Variants in GULP1 observed in about 807,000 individuals in gnomAD.
The protein encoded by GULP1 is GULP PTB domain containing engulfment adaptor 1.
GULP1 carries 19 observed loss-of-function variants against 40.9 expected under a neutral mutation model. That is an observed-to-expected ratio of 0.46 (90% CI 0.32 to 0.68). The LOEUF (loss-of-function observed/expected upper bound fraction) is 0.68, where lower values mean the gene tolerates loss of function less well. Among genes scored for constraint, GULP1 ranks in the 30% least tolerant of loss-of-function variants. The pLI is 0.03. For missense variants in GULP1, 312 were observed against 362.2 expected (o/e 0.86, Z 1.12); for synonymous variants, 119 against 117.6 (o/e 1.01, Z -0.08).
chr2:188,570,582 C>G (rs561300548), intron 9 of GULP1, among the ~76,000 whole-genome samples: 1 of 152,182 alleles, frequency 6.6e-6, no homozygotes, highest in African/African-American at 2.4e-5. Context: ...AATTGTATTT[C>G]AAACATTAAA....
intron 2 of GULP1, among the ~76,000 whole-genome samples, chr2:188,444,864 G>T (rs1010591512): frequency 6.6e-6 from 1 of 152,134 alleles, no homozygotes; most frequent in Middle Eastern, 3.2e-3. Flanking sequence ...CTAAACACTG[G>T]CAGTGACATG....
intron 1 of GULP1, among the ~76,000 whole-genome samples, chr2:188,382,506 C>T (rs2049123225): frequency 6.6e-6 from 1 of 152,204 alleles, no homozygotes; most frequent in Non-Finnish European, 1.5e-5. Flanking sequence ...AAACTTCTCG[C>T]ATTGAAGTTA....
In GULP1 at chr2:188,363,482, G is replaced by A. The variant is rs2046353733; in HGVS notation, c.-171-20281G>A. Reference sequence around the variant, plus strand: ...TCCAAGGAAACATTGAAGGATGGTAGATAGGTGGGTGGCAGAATCAAGATT... The same window carrying A: ...TCCAAGGAAACATTGAAGGATGGTAAATAGGTGGGTGGCAGAATCAAGATT... On this transcript the variant is annotated intron_variant, in intron 1 of 11. Transcript: ENST00000409830. Among the ~76,000 whole-genome samples, 7 of 152,128 alleles carry A rather than the reference G, an allele frequency of 4.6e-5. No homozygotes were observed. The South Asian group carries it at 1.4e-3, about 31-fold the overall frequency.
chr2:188,530,741 C>G (rs1016948221), intron 6 of GULP1, among the ~76,000 whole-genome samples: 3 of 152,170 alleles, frequency 2.0e-5, no homozygotes, highest in Non-Finnish European at 4.4e-5. Flanking sequence ...TTGGATAAGC[C>G]ACCCAGTCAG....
chr2:188,418,272 AT>A (rs112174594), intron 2 of GULP1, among the ~76,000 whole-genome samples: 1 of 151,876 alleles, frequency 6.6e-6, no homozygotes, highest in African/African-American at 2.4e-5. Flanking sequence ...TTACGGTTTA[AT>A]TTTTTTTCAT....
Position 188,352,616 on chromosome 2 carries a change from T to TCACACACACACACACACACACACA in GULP1, c.-171-31146_-171-31145insACACACACACACACACACACACAC, listed in dbSNP as rs1179352194. ...CTTGCTCTCTTTCTCTCTCTCTCTC[T>TCACACACACACACACACACACACA]CTCACACACACACACACACACACAC... On this transcript the variant is annotated intron_variant, in intron 1 of 11. Transcript: ENST00000409830. 2.2e-4 allele frequency among the ~76,000 whole-genome samples: 17 copies of TCACACACACACACACACACACACA among 76,056 alleles called. No individual in the cohort carries two copies. In the East Asian group the frequency reaches 8.9e-3, roughly 40 times the overall value. The allele number at this position is 76,056 out of a possible 152,430, so 49.9% of individuals were successfully genotyped here. A position where few individuals can be genotyped will look rare whatever the true frequency, so the allele number is the denominator to read the frequency against.
At chr2:188,335,352 G>GC (rs2042126086) in intron 1 of GULP1, among the ~76,000 whole-genome samples, 1 of 152,068 alleles carries the variant, frequency 6.6e-6, no homozygotes, top group South Asian at 2.1e-4. Context: ...TATATGCCAT[G>GC]CTTAAATTCT....
At chr2:188,403,645 T>G (rs1352381243) in intron 2 of GULP1, among the ~76,000 whole-genome samples, 4 of 152,096 alleles carry the variant, frequency 2.6e-5, no homozygotes, top group Non-Finnish European at 4.4e-5. Context: ...AAGGAGACTG[T>G]ATTAGATTTG....
chr2:188,584,460 A>C, intron 10 of GULP1, 57 bp downstream of exon 10: 6 of 986,552 alleles, frequency 6.1e-6, no homozygotes, highest in Non-Finnish European at 8.9e-6. Context: ...TTTTAAATAT[A>C]TAATTAAGAC....
intron 6 of GULP1, among the ~76,000 whole-genome samples, chr2:188,532,954 G>A (rs1022546823): frequency 1.3e-5 from 2 of 151,954 alleles, no homozygotes; most frequent in Non-Finnish European, 2.9e-5. Flanking sequence ...TATGTGAAAA[G>A]CTCTTTTAAA....
At chr2:188,575,864 G>A (rs1567184) in intron 9 of GULP1, among the ~76,000 whole-genome samples, 120,196 of 152,054 alleles carry the variant, frequency 0.79, 49,516 homozygotes, top group South Asian at 0.97. Context: ...TGATATCCCA[G>A]AAGGAGACAT....
At position 188,538,207 on chromosome 2, in the gene GULP1, TA is replaced by T. The variant is rs376872937; in HGVS notation, c.262-2973del. Among the ~76,000 whole-genome samples the T allele has an allele frequency of 2.6e-4, 40 of 152,234 alleles. 1 individual carries two copies. In the South Asian group the frequency reaches 7.7e-3, roughly 29 times the overall value. On this transcript the variant is annotated intron_variant, in intron 6 of 11. Coordinates refer to ENST00000409830, the MANE Select transcript of GULP1 (RefSeq NM_016315.4). ...CATTCAATTCCACTCAGATTTTAGT[TA>T]TATCTTCTGCTAGCTTTGGGGTTAG... is the stretch of plus-strand genomic sequence containing the variant.
At chr2:188,507,986 A>G (rs1392557812) in intron 4 of GULP1, among the ~76,000 whole-genome samples, 1 of 152,014 alleles carries the variant, frequency 6.6e-6, no homozygotes. Flanking sequence ...TTTTTTATAT[A>G]ATTTGGGATT....
chr2:188,570,276 T>C lies in GULP1; in HGVS notation c.609+156T>C, dbSNP rs115951524. On this transcript the variant is annotated intron_variant, in intron 9 of 11. Coordinates refer to ENST00000409830, the MANE Select transcript of GULP1 (RefSeq NM_016315.4). ...GCTGCTAAGCAGTTTAATTTAAAAC[T>C]TAAAATTACCTAGTCAGTTCAAATC... Among the ~76,000 whole-genome samples the C allele has an allele frequency of 7.9e-3, 1,206 of 152,350 alleles. 26 individuals are homozygous for C. The highest frequency in any genetic ancestry group is 0.027 in the African/African-American group (1,125 of 41,590).
At chr2:188,519,680 T>G (rs917997606) in intron 4 of GULP1, among the ~76,000 whole-genome samples, 34 of 152,348 alleles carry the variant, frequency 2.2e-4, no homozygotes, top group African/African-American at 7.9e-4. Context: ...ACAGTGCTTT[T>G]CAAACCTGGT....
rs967015702 is a variant in GULP1 at position 188,522,201 on chromosome 2, A to G, written c.91-555A>G. Among the ~76,000 whole-genome samples, 6 of 152,206 alleles carry G rather than the reference A, an allele frequency of 3.9e-5. No homozygotes were observed. The East Asian group carries it at 9.6e-4, about 24-fold the overall frequency. On this transcript the variant is annotated intron_variant, in intron 4 of 11. Transcript: ENST00000409830. ...GCTATTAAAAGAAGCTTGTATTTTA[A>G]ATTCTACATGTTAGATGAGTCTCAT...
chr2:188,384,555 A>G (rs1242063442), intron 2 of GULP1, among the ~76,000 whole-genome samples: 3 of 152,190 alleles, frequency 2.0e-5, no homozygotes, highest in South Asian at 2.1e-4. Context: ...ACATTTCAAA[A>G]CCAAACATGC....
chr2:188,565,475 TA>T (rs1481269256), intron 7 of GULP1, among the ~76,000 whole-genome samples: 2 of 151,976 alleles, frequency 1.3e-5, no homozygotes, highest in African/African-American at 2.4e-5. Flanking sequence ...AATATAAATT[TA>T]AAACACATTA....
At chr2:188,427,670 A>G (rs2056381100) in intron 2 of GULP1, among the ~76,000 whole-genome samples, 2 of 152,222 alleles carry the variant, frequency 1.3e-5, no homozygotes, top group African/African-American at 4.8e-5. Flanking sequence ...TTAAGAGTTG[A>G]GGCTTGAGAG....
Sources: allele counts gnomAD v4.1 joint callset (sites outside exome capture counted in the v4.1 genomes callset), GRCh38; gene constraint gnomAD v4.1.1; transcripts MANE v1.5; gene names NCBI Gene and HGNC (gene_info 2026-07-23, HGNC 2026-07-21).